ATP8A1: variants seen among roughly 807,000 people sequenced by gnomAD.
ATP8A1 encodes ATPase phospholipid transporting 8A1.
Under a neutral mutation model 177.7 loss-of-function variants are expected in ATP8A1, and 90 were observed. The observed-to-expected ratio is 0.51, with a 90% CI of 0.43 to 0.60. The LOEUF is 0.60. Among genes scored for constraint, ATP8A1 ranks in the 20% least tolerant of loss-of-function variants. ATP8A1 has a pLI of 0.00. For synonymous variants in ATP8A1, 493 were observed against 485.9 expected, an observed-to-expected ratio of 1.01 and a Z score of -0.19; for missense variants, 1,072 against 1,392.8, an observed-to-expected ratio of 0.77 and a Z score of 3.67.
intron 3 of ATP8A1, among the ~76,000 whole-genome samples, chr4:42,624,874 AGTTACAG>A (rs1433484308): frequency 6.6e-6 from 1 of 152,268 alleles, no homozygotes; most frequent in African/African-American, 2.4e-5. Flanking sequence ...TGGTTACATA[AGTTACAG>A]TATATCTATT....
rs797020563 is a variant in ATP8A1, at chr4:42,436,205, G to A, written c.3123+7360C>T. ...ACGGGTACACCATGGCCTCTCTCTC[G>A]TTTATGACATCAATGCCCCACCATT... is the stretch of plus-strand genomic sequence containing the variant. On this transcript the variant is annotated intron_variant, in intron 33 of 36. Transcript: ENST00000381668. 3.6e-4 allele frequency among the ~76,000 whole-genome samples: 55 copies of A among 152,156 alleles called. 1 individual carries two copies. Among genetic ancestry groups the A allele is most frequent in the African/African-American group, 1.2e-3 (49 of 41,514 alleles).
chr4:42,488,247 T>A (rs1722391069), intron 24 of ATP8A1, among the ~76,000 whole-genome samples: 2 of 152,184 alleles, frequency 1.3e-5, no homozygotes, highest in Admixed American at 6.5e-5. Context: ...TAACACTTGC[T>A]ACCATCCTGA....
intron 25 of ATP8A1, among the ~76,000 whole-genome samples, chr4:42,472,531 G>A (rs1020691095): frequency 6.6e-6 from 1 of 151,918 alleles, no homozygotes; most frequent in African/African-American, 2.4e-5. Context: ...GGCGGATCAC[G>A]AGGTCAGGAG....
At chr4:42,559,562 T>G (rs1010753178) in intron 15 of ATP8A1, among the ~76,000 whole-genome samples, 1 of 152,194 alleles carries the variant, frequency 6.6e-6, no homozygotes, top group African/African-American at 2.4e-5. Context: ...GAAAAGCAAT[T>G]GGGCAAAATT....
chr4:42,458,768 C>T (rs2153180742), intron 27 of ATP8A1, among the ~76,000 whole-genome samples: 1 of 152,304 alleles, frequency 6.6e-6, no homozygotes, highest in South Asian at 2.1e-4. Context: ...CTTCTCCTGG[C>T]ATTATTTTCT....
rs112335002 is a variant in ATP8A1 at position 42,414,496 on chromosome 4, G to A, written c.3397+131C>T. On this transcript the variant is annotated intron_variant, in intron 36 of 36. Transcript: ENST00000381668. ...CCAATGGATTTTCTGTTATTTACAG[G>A]TTACAAATATGCAAAACTTATTTTA... 119 of 735,470 alleles carry A rather than the reference G, an allele frequency of 1.6e-4. No homozygotes were observed. In the African/African-American group the frequency reaches 1.7e-3, roughly 11 times the overall value. The allele number at this position is 735,470 out of a possible 1,614,324, so 45.6% of individuals were successfully genotyped here.
chr4:42,519,379 C>T (rs564143844), intron 22 of ATP8A1, among the ~76,000 whole-genome samples: 4 of 152,290 alleles, frequency 2.6e-5, no homozygotes, highest in African/African-American at 9.6e-5. Flanking sequence ...CAGGTGTGAG[C>T]CATCACATCT....
chr4:42,485,632 G>T lies in ATP8A1; in HGVS notation c.2188C>A (p.Leu730Ile), dbSNP rs1722119872. The T allele has an allele frequency of 6.2e-7, 1 of 1,613,022 alleles. No individual in the cohort carries two copies. Among genetic ancestry groups the T allele is most frequent in the East Asian group, 2.2e-5 (1 of 44,826 alleles). The change falls in exon 25 of 37, where the codon CTT becomes ATT. Residue 730 changes from leucine (L) to isoleucine (I), a missense_variant. Leu to Ile is a conservative substitution (Grantham distance 5, BLOSUM62 2). Coordinates refer to ENST00000381668, the MANE Select transcript of ATP8A1 (RefSeq NM_006095.2). The stretch of plus-strand genomic sequence containing the variant: ...TTCTCTTTCCGGAGAGCATCACCAA[G>T]GGTAGTACAGTGACGACTGAGAGTT... ...RETLSRHCTT[L>I]GDALRKENDF...
chr4:42,564,286 G>A lies in ATP8A1; in HGVS notation c.1340+4875C>T, dbSNP rs146805518. ...CCAACAGAGTCCCTAGTGGAGCTGTGAGCAGAGGGCCACCATCCTCCAGAC... is the reference window on the plus strand; with the variant it reads ...CCAACAGAGTCCCTAGTGGAGCTGTAAGCAGAGGGCCACCATCCTCCAGAC... On this transcript the variant is annotated intron_variant, in intron 15 of 36. Coordinates refer to ENST00000381668, the MANE Select transcript of ATP8A1 (RefSeq NM_006095.2). 2.8e-3 allele frequency among the ~76,000 whole-genome samples: 422 copies of A among 152,260 alleles called. 5 individuals are homozygous for A. The highest frequency in any genetic ancestry group is 9.6e-3 in the African/African-American group (398 of 41,560).
intron 36 of ATP8A1, 32 bp from the exon 37 acceptor site, chr4:42,413,045 C>A (rs1712803916): frequency 6.3e-7 from 1 of 1,584,836 alleles, no homozygotes; most frequent in Non-Finnish European, 8.7e-7. Flanking sequence ...GAAATTCTCA[C>A]AAAGGCACTG....
intron 1 of ATP8A1, among the ~76,000 whole-genome samples, chr4:42,631,621 C>G (rs1738744689): frequency 6.6e-6 from 1 of 152,172 alleles, no homozygotes; most frequent in South Asian, 2.1e-4. Context: ...TACTTCAAGT[C>G]TGTTGGCTAA....
At position 42,586,255 on chromosome 4, in the gene ATP8A1, C is replaced by T. The variant is rs759349940; in HGVS notation, c.722+94G>A. 7 of 1,437,522 alleles carry T rather than the reference C, an allele frequency of 4.9e-6. No homozygotes were observed. The Admixed American group carries it at 8.6e-5, about 18-fold the overall frequency. The allele number at this position is 1,437,522 out of a possible 1,614,324, so 89.0% of individuals were successfully genotyped here. On this transcript the variant is annotated intron_variant, in intron 9 of 36. Transcript: ENST00000381668. ...GGGTTTTGAGGACTCAAACTTAGCA[C>T]ACAAGAAGATAATATGTATCCAGAC...
chr4:42,625,816 T>G, intron 2 of ATP8A1, 103 bp from the exon 3 acceptor site: 1 of 566,030 alleles, frequency 1.8e-6, no homozygotes, highest in Middle Eastern at 4.4e-4. Context: ...AAGGAACATT[T>G]GCCGGCTGTT....
chr4:42,437,504 G>A (rs1262910385), intron 33 of ATP8A1, among the ~76,000 whole-genome samples: 2 of 152,152 alleles, frequency 1.3e-5, no homozygotes, highest in Non-Finnish European at 2.9e-5. Context: ...CTTATTTAAA[G>A]CGACAGCCAA....
At chr4:42,635,772 C>CATAT (rs1739227154) in intron 1 of ATP8A1, among the ~76,000 whole-genome samples, 1 of 50,488 alleles carries the variant, frequency 2.0e-5, no homozygotes, top group Non-Finnish European at 4.1e-5. Flanking sequence ...CACACACACA[C>CATAT]ACACACACAC....
intron 29 of ATP8A1, among the ~76,000 whole-genome samples, chr4:42,454,890 C>T (rs1041422135): frequency 2.0e-5 from 3 of 152,126 alleles, no homozygotes; most frequent in African/African-American, 7.2e-5. Flanking sequence ...CAATAAAATA[C>T]CTCTCTCACT....
intron 23 of ATP8A1, among the ~76,000 whole-genome samples, chr4:42,506,367 T>C (rs1724367178): frequency 6.6e-6 from 1 of 152,204 alleles, no homozygotes; most frequent in African/African-American, 2.4e-5. Flanking sequence ...AGAAGGCCAG[T>C]GGTCATCAGA....
chr4:42,541,341 G>C (rs555731238), intron 20 of ATP8A1, among the ~76,000 whole-genome samples: 1 of 152,256 alleles, frequency 6.6e-6, no homozygotes, highest in South Asian at 2.1e-4. Context: ...ACATCTATTA[G>C]AATAGCCCAA....
chr4:42,439,907 C>T (rs1302156490), intron 33 of ATP8A1, among the ~76,000 whole-genome samples: 1 of 152,210 alleles, frequency 6.6e-6, no homozygotes, highest in East Asian at 1.9e-4. Context: ...GGGGATCAGA[C>T]ATCGAAGTTG....
Sources: gnomAD v4.1 joint callset for allele counts (sites outside exome capture counted in the v4.1 genomes callset) on GRCh38, gnomAD v4.1.1 for gene constraint, MANE v1.5 for transcripts, NCBI Gene and HGNC (gene_info 2026-07-23, HGNC 2026-07-21) for gene names.